SKAP2: variants seen among roughly 807,000 people sequenced by gnomAD.
SKAP2 encodes the protein src kinase associated phosphoprotein 2, also known as src kinase-associated phosphoprotein 2.
A neutral mutation model predicts 54.9 loss-of-function variants in SKAP2; 28 were observed. That is an observed-to-expected ratio of 0.51 (90% confidence interval 0.38 to 0.70). The LOEUF (loss-of-function observed/expected upper bound fraction) is 0.70. Among genes scored for constraint, SKAP2 ranks in the 30% least tolerant of loss-of-function variants. The pLI, the probability that SKAP2 is intolerant of heterozygous loss-of-function variation, is 0.00. For synonymous variants in SKAP2, 137 were observed against 134.3 expected, an observed-to-expected ratio of 1.02 and a Z score of -0.14; for missense variants, 356 against 424.1, an observed-to-expected ratio of 0.84 and a Z score of 1.41.
chr7:26,661,966 T>C, the SKAP2 span, among the ~76,000 whole-genome samples: 1 of 152,154 alleles, frequency 6.6e-6, no homozygotes, highest in African/African-American at 2.4e-5. Flanking sequence ...ACCACTGGTA[T>C]TCCGCAGGGA....
intron 4 of SKAP2, among the ~76,000 whole-genome samples, chr7:26,810,352 C>T (rs545015449): frequency 6.6e-6 from 1 of 151,302 alleles, no homozygotes; most frequent in Non-Finnish European, 1.5e-5. Flanking sequence ...AAAAAGAAAA[C>T]AAGAAAAACA....
intron 1 of SKAP2, among the ~76,000 whole-genome samples, chr7:26,860,168 T>C (rs1785248435): frequency 6.6e-6 from 1 of 152,172 alleles, no homozygotes; most frequent in Non-Finnish European, 1.5e-5. Context: ...TGGGTAGCTA[T>C]AAAAACTGTA....
At chr7:26,710,273 C>T (rs972988755) in intron 9 of SKAP2, among the ~76,000 whole-genome samples, 1 of 152,156 alleles carries the variant, frequency 6.6e-6, no homozygotes, top group Non-Finnish European at 1.5e-5. Context: ...CATCCATTTG[C>T]TTGTTTGCCA....
At chr7:26,662,913 T>C (rs112523197), downstream of SKAP2, among the ~76,000 whole-genome samples, 44 of 152,114 alleles carry the variant, frequency 2.9e-4, 1 homozygote, top group African/African-American at 1.0e-3. Context: ...CTCCTTGGAA[T>C]AGCCTGAGGA....
rs1282566565 is a variant in SKAP2, at chr7:26,670,112, C to T, written c.1068G>A (p.Met356Ile). 1 of 1,480,236 alleles carries T rather than the reference C, an allele frequency of 6.8e-7. No homozygotes were observed. Among genetic ancestry groups the T allele is most frequent in the Admixed American group, 1.7e-5 (1 of 59,762 alleles). 91.7% of individuals were successfully genotyped at this position (1,480,236 alleles called of 1,614,324 possible). ...TTACCCAGGACTCTCAAATATCATA[C>T]ATCTCCATTATGTAGGCTTTAGGCA... ...GLVPKAYIME[M>I]YDI The change falls in exon 12 of 13, where the codon ATG (methionine) becomes ATA (isoleucine). Residue 356 changes from methionine (M) to isoleucine (I), a missense_variant. Met to Ile is a conservative substitution (Grantham distance 10). Coordinates refer to ENST00000345317, the MANE Select transcript of SKAP2 (RefSeq NM_003930.5).
At chr7:26,660,471 T>A in the SKAP2 span, among the ~76,000 whole-genome samples, 1 of 152,026 alleles carries the variant, frequency 6.6e-6, no homozygotes, top group Admixed American at 6.6e-5. Context: ...TCAGTATACA[T>A]CCATTAAAAT....
chr7:26,739,912 A>G lies in SKAP2; in HGVS notation c.360T>C (p.Ala120=). 6.2e-7 allele frequency: 1 copy of G among 1,612,290 alleles called. No individual in the cohort carries two copies. The highest frequency in any genetic ancestry group is 8.5e-7 in the Non-Finnish European group (1 of 1,179,294). ...AAQDLPFVLK[A]GYLEKRRKDH... Reference sequence around the variant, plus strand: ...CTTTTCTGCGTTTTTCAAGGTAGCCAGCCTTTAGAACAAAAGGAAGGTCTT... The same window carrying G: ...CTTTTCTGCGTTTTTCAAGGTAGCCGGCCTTTAGAACAAAAGGAAGGTCTT... The change falls in exon 5 of 13, where the codon GCT becomes GCC. Residue 120 remains alanine (A), a synonymous_variant. Transcript: ENST00000345317.
intron 11 of SKAP2, among the ~76,000 whole-genome samples, chr7:26,679,167 T>C (rs2050269670): frequency 2.0e-5 from 3 of 152,232 alleles, no homozygotes; most frequent in Admixed American, 2.0e-4. Flanking sequence ...CACTGCCTTC[T>C]GGCTTTTCCT....
intron 9 of SKAP2, among the ~76,000 whole-genome samples, chr7:26,703,954 G>A (rs367555082): frequency 1.3e-5 from 2 of 151,864 alleles, no homozygotes; most frequent in East Asian, 3.9e-4. Flanking sequence ...CTTCCCTTTG[G>A]GTGTAAAACC....
intron 4 of SKAP2, among the ~76,000 whole-genome samples, chr7:26,776,050 G>A (rs1339381313): frequency 6.6e-6 from 1 of 152,026 alleles, no homozygotes; most frequent in African/African-American, 2.4e-5. Context: ...ATATTCAATG[G>A]ACAATTTTTA....
chr7:26,683,822 T>C (rs186956104), intron 11 of SKAP2, among the ~76,000 whole-genome samples: 42 of 152,266 alleles, frequency 2.8e-4, no homozygotes, highest in African/African-American at 9.9e-4. Flanking sequence ...TAACAAGTCA[T>C]ACTATCTCTC....
intron 6 of SKAP2, among the ~76,000 whole-genome samples, chr7:26,733,812 C>T (rs1787869361): frequency 1.3e-5 from 2 of 152,030 alleles, no homozygotes; most frequent in Non-Finnish European, 2.9e-5. Context: ...TAAGAAATAA[C>T]CTTTGAATGA....
chr7:26,725,954 T>C lies in SKAP2; in HGVS notation c.627A>G (p.Glu209=). 4.3e-6 allele frequency: 7 copies of C among 1,611,334 alleles called. No individual in the cohort carries two copies. The highest frequency in any genetic ancestry group is 1.7e-4 in the Middle Eastern group (1 of 6,042). The change falls in exon 8 of 13, where the codon GAA becomes GAG. Residue 209 remains glutamate (E), a synonymous_variant. Coordinates refer to ENST00000345317, the MANE Select transcript of SKAP2 (RefSeq NM_003930.5). ...FTAASPKDAE[E]WVQQLKFVLQ... The stretch of plus-strand genomic sequence containing the variant: ...ATACAAATTTCAGCTGCTGTACCCA[T>C]TCTTCAGCATCTTTGGGAGAAGCTG...
intron 9 of SKAP2, among the ~76,000 whole-genome samples, chr7:26,703,974 T>G (rs1181466235): frequency 2.6e-5 from 4 of 152,242 alleles, no homozygotes; most frequent in African/African-American, 7.2e-5. Context: ...CTTGCATATA[T>G]TACTTGCTCC....
intron 4 of SKAP2, among the ~76,000 whole-genome samples, chr7:26,826,534 C>T (rs183801244): frequency 2.2e-4 from 33 of 152,268 alleles, no homozygotes; most frequent in Non-Finnish European, 4.1e-4. Flanking sequence ...ATCCCTTTAC[C>T]AGGCTGTTTC....
At chr7:26,849,060 T>C (rs560771921) in intron 3 of SKAP2, among the ~76,000 whole-genome samples, 4 of 152,310 alleles carry the variant, frequency 2.6e-5, no homozygotes, top group African/African-American at 9.6e-5. Context: ...CTGTGAATTA[T>C]TTCCTCAGAT....
chr7:26,843,404 A>C (rs780293683), intron 4 of SKAP2, among the ~76,000 whole-genome samples: 36 of 152,092 alleles, frequency 2.4e-4, no homozygotes, highest in Non-Finnish European at 3.8e-4. Flanking sequence ...ACTACACTAA[A>C]AACAAGTTTC....
chr7:26,698,047 T>C (rs1454698775), intron 9 of SKAP2, among the ~76,000 whole-genome samples: 1 of 152,212 alleles, frequency 6.6e-6, no homozygotes, highest in South Asian at 2.1e-4. Context: ...TTATGATTAT[T>C]TGATTGTAAT....
At chr7:26,820,758 TAAATA>T (rs944674681) in intron 4 of SKAP2, among the ~76,000 whole-genome samples, 2 of 152,160 alleles carry the variant, frequency 1.3e-5, no homozygotes, top group African/African-American at 2.4e-5. Context: ...ATGATATGAT[TAAATA>T]AAATATTGTC....
Sources: allele counts gnomAD v4.1 joint callset (sites outside exome capture counted in the v4.1 genomes callset), GRCh38; gene constraint gnomAD v4.1.1; transcripts MANE v1.5; gene names NCBI Gene and HGNC (gene_info 2026-07-23, HGNC 2026-07-21).